Variants in SGPL1 observed in about 807,000 individuals in gnomAD.
SGPL1 encodes SP-lyase 1.
Under a neutral mutation model 68.9 loss-of-function variants are expected in SGPL1, and 37 were observed. The observed-to-expected ratio is 0.54, with a 90% confidence interval of 0.41 to 0.71. The LOEUF (loss-of-function observed/expected upper bound fraction) is 0.71, where lower values mean the gene tolerates loss of function less well. Among genes scored for constraint, SGPL1 ranks in the 30% least tolerant of loss-of-function variants. The probability of loss-of-function intolerance (pLI) is 0.00; values close to 1 mark genes in which losing one functional copy is unlikely to be tolerated. For missense variants in SGPL1, 551 were observed against 704.6 expected, an observed-to-expected ratio of 0.78 and a Z score of 2.47; for synonymous variants, 236 against 248.5, an observed-to-expected ratio of 0.95 and a Z score of 0.47.
chr10:70,857,832 C>A, intron 6 of SGPL1, 142 bp downstream of exon 6: 1 of 516,618 alleles, frequency 1.9e-6, no homozygotes, highest in Non-Finnish European at 3.5e-6. Context: ...TTCTCTTCAC[C>A]CAAACATAGG....
At chr10:70,831,102 C>T (rs917118952) in intron 2 of SGPL1, among the ~76,000 whole-genome samples, 1 of 152,154 alleles carries the variant, frequency 6.6e-6, no homozygotes, top group African/African-American at 2.4e-5. Context: ...TATCAGTTAT[C>T]TACAACTTTC....
At chr10:70,826,906 A>G (rs770229314) in intron 2 of SGPL1, among the ~76,000 whole-genome samples, 2 of 152,220 alleles carry the variant, frequency 1.3e-5, no homozygotes, top group Admixed American at 6.5e-5. Flanking sequence ...TTGTGTGACT[A>G]AACTGCAGTT....
chr10:70,836,479 T>C (rs911082342), intron 2 of SGPL1, among the ~76,000 whole-genome samples: 2 of 152,204 alleles, frequency 1.3e-5, no homozygotes, highest in Non-Finnish European at 2.9e-5. Flanking sequence ...AGAGTGATAC[T>C]GCACACTGGT....
intron 2 of SGPL1, among the ~76,000 whole-genome samples, chr10:70,830,640 C>G (rs557446718): frequency 1.3e-5 from 2 of 152,228 alleles, no homozygotes; most frequent in African/African-American, 4.8e-5. Context: ...TTTGTAATAT[C>G]GAGGCTATTT....
At chr10:70,817,180 C>G (rs543185778) in intron 2 of SGPL1, among the ~76,000 whole-genome samples, 7 of 152,008 alleles carry the variant, frequency 4.6e-5, no homozygotes, top group African/African-American at 1.7e-4. Context: ...CCACCACGCC[C>G]GGCTAATTTT....
intron 2 of SGPL1, among the ~76,000 whole-genome samples, chr10:70,822,469 T>G (rs1845355026): frequency 6.6e-6 from 1 of 152,242 alleles, no homozygotes. Flanking sequence ...ATATACAGTT[T>G]GTGCACATTG....
chr10:70,877,110 C>A, intron 14 of SGPL1, 85 bp from the exon 15 acceptor site: 2 of 1,381,356 alleles, frequency 1.4e-6, no homozygotes, highest in Non-Finnish European at 2.0e-6. Flanking sequence ...AGCTAGGACT[C>A]GGGGAGAAGG....
intron 13 of SGPL1, among the ~76,000 whole-genome samples, chr10:70,875,911 A>G (rs975937126): frequency 6.6e-6 from 1 of 152,186 alleles, no homozygotes; most frequent in African/African-American, 2.4e-5. Context: ...GGGGGTCTCT[A>G]ATCATTCAGG....
At chr10:70,819,317 C>T (rs1236548523) in intron 2 of SGPL1, among the ~76,000 whole-genome samples, 1 of 152,170 alleles carries the variant, frequency 6.6e-6, no homozygotes. Flanking sequence ...CCTAGGCAGT[C>T]ATCACTTTCT....
intron 13 of SGPL1, among the ~76,000 whole-genome samples, chr10:70,875,761 C>A (rs1846373692): frequency 6.6e-6 from 1 of 152,190 alleles, no homozygotes. Context: ...TAGGTGACAG[C>A]CTCCTAGACC....
rs774260083 is a variant in SGPL1, at chr10:70,875,523, T to G, written c.1420T>G (p.Leu474Val). Reference sequence around the variant, plus strand: ...CCTGATGACTGCTAAGGGGTGGAACTTGAACCAGTTGCAGTTCCCACCCAG... The same window carrying G: ...CCTGATGACTGCTAAGGGGTGGAACGTGAACCAGTTGCAGTTCCCACCCAG... ...SNLMTAKGWN[L>V]NQLQFPPSIH... The change falls in exon 13 of 15, where the codon TTG (leucine) becomes GTG (valine). Residue 474 changes from leucine (L) to valine (V), a missense_variant. By Grantham distance (32) the Leu-to-Val change is conservative. Coordinates refer to ENST00000373202, the MANE Select transcript of SGPL1 (RefSeq NM_003901.4). 1 of 1,611,524 alleles carries G rather than the reference T, an allele frequency of 6.2e-7. No individual in the cohort carries two copies. Among genetic ancestry groups the G allele is most frequent in the South Asian group, 1.1e-5 (1 of 90,636 alleles).
At chr10:70,822,022 C>A (rs1043656849) in intron 2 of SGPL1, among the ~76,000 whole-genome samples, 1 of 152,186 alleles carries the variant, frequency 6.6e-6, no homozygotes, top group African/African-American at 2.4e-5. Flanking sequence ...AAAATTGAAT[C>A]TTTCCAGGTC....
intron 2 of SGPL1, among the ~76,000 whole-genome samples, chr10:70,831,901 T>G (rs1285388938): frequency 2.0e-5 from 3 of 151,960 alleles, no homozygotes; most frequent in African/African-American, 4.8e-5. Context: ...GGAATGAGGG[T>G]TTTTTGGCCC....
intron 2 of SGPL1, among the ~76,000 whole-genome samples, chr10:70,824,332 T>A (rs1845393516): frequency 6.6e-6 from 1 of 152,220 alleles, no homozygotes; most frequent in East Asian, 1.9e-4. Context: ...GTAAAGAGAC[T>A]AGAAGCCAGA....
intron 2 of SGPL1, among the ~76,000 whole-genome samples, chr10:70,840,204 T>C (rs986871102): frequency 1.3e-5 from 2 of 152,136 alleles, no homozygotes; most frequent in African/African-American, 4.8e-5. Context: ...GGGTACTGAA[T>C]ACTGAGTCAA....
chr10:70,864,689 T>G (rs1337792196), intron 7 of SGPL1, among the ~76,000 whole-genome samples: 1 of 152,216 alleles, frequency 6.6e-6, no homozygotes, highest in Admixed American at 6.5e-5. Context: ...GCATGCTACA[T>G]ACTACCTTTT....
chr10:70,851,969 C>G (rs1159429847), intron 4 of SGPL1, among the ~76,000 whole-genome samples: 1 of 152,148 alleles, frequency 6.6e-6, no homozygotes, highest in Non-Finnish European at 1.5e-5. Flanking sequence ...TTGTTATGTC[C>G]TCTTGGCCCT....
At chr10:70,817,644 G>C (rs926016280) in intron 2 of SGPL1, among the ~76,000 whole-genome samples, 3 of 151,946 alleles carry the variant, frequency 2.0e-5, no homozygotes, top group Non-Finnish European at 2.9e-5. Context: ...CTCCCTTCCC[G>C]TACTACCAGA....
At chr10:70,817,487 G>T (rs964579700) in intron 2 of SGPL1, among the ~76,000 whole-genome samples, 15 of 152,136 alleles carry the variant, frequency 9.9e-5, no homozygotes, top group Admixed American at 2.6e-4. Flanking sequence ...GAGTGCAGTG[G>T]CTATTTACAG....
Sources: allele counts gnomAD v4.1 joint callset (sites outside exome capture counted in the v4.1 genomes callset), GRCh38; gene constraint gnomAD v4.1.1; transcripts MANE v1.5; gene names NCBI Gene and HGNC (gene_info 2026-07-23, HGNC 2026-07-21).